The following PPM1H variants were observed in gnomAD, a reference collection of about 807,000 sequenced individuals.
PPM1H encodes protein phosphatase, Mg2+/Mn2+ dependent 1H.
A neutral mutation model predicts 54.9 loss-of-function variants in PPM1H; 27 were observed. That is an observed-to-expected ratio of 0.49 (90% CI 0.36 to 0.68). The LOEUF (loss-of-function observed/expected upper bound fraction) is 0.68, where lower values mean the gene tolerates loss of function less well. Among genes scored for constraint, PPM1H ranks in the 30% least tolerant of loss-of-function variants. The pLI, the probability that PPM1H is intolerant of heterozygous loss-of-function variation, is 0.00. For missense variants in PPM1H, 596 were observed against 667.8 expected (o/e 0.89, Z 1.19); for synonymous variants, 305 against 270.8 (o/e 1.13, Z -1.24).
At chr12:62,883,687 T>C (rs1695007) in intron 1 of PPM1H, among the ~76,000 whole-genome samples, 1,798 of 152,252 alleles carry the variant, frequency 0.012, 44 homozygotes, top group African/African-American at 0.04. Flanking sequence ...TGTGCACCAT[T>C]AACAGTCTCC....
At chr12:62,705,947 G>A (rs529077866) in intron 6 of PPM1H, among the ~76,000 whole-genome samples, 25 of 152,306 alleles carry the variant, frequency 1.6e-4, no homozygotes, top group African/African-American at 5.8e-4. Flanking sequence ...TGCTGCACAG[G>A]CAGTTCCTCT....
intron 3 of PPM1H, among the ~76,000 whole-genome samples, chr12:62,793,384 T>C (rs1478535143): frequency 6.6e-6 from 1 of 151,818 alleles, no homozygotes; most frequent in African/African-American, 2.4e-5. Flanking sequence ...TTTTAAGATG[T>C]GGGATTTTAT....
At chr12:62,787,226 G>A (rs529188957) in intron 4 of PPM1H, among the ~76,000 whole-genome samples, 1 of 152,148 alleles carries the variant, frequency 6.6e-6, no homozygotes, top group Non-Finnish European at 1.5e-5. Flanking sequence ...AGGGGAAAGG[G>A]AAGGGGTGGG....
chr12:62,695,220 G>T (rs926265890), intron 6 of PPM1H, among the ~76,000 whole-genome samples: 1 of 152,154 alleles, frequency 6.6e-6, no homozygotes, highest in Non-Finnish European at 1.5e-5. Context: ...ACATGGTAAG[G>T]TGTCCTTCCC....
chr12:62,652,951 G>A (rs749774210), intron 9 of PPM1H, among the ~76,000 whole-genome samples: 74 of 151,992 alleles, frequency 4.9e-4, no homozygotes, highest in Non-Finnish European at 2.6e-4. Context: ...CCTAGTCTTT[G>A]GATTAAGAAA....
intron 6 of PPM1H, among the ~76,000 whole-genome samples, chr12:62,709,390 G>A (rs574634256): frequency 2.3e-4 from 35 of 152,236 alleles, no homozygotes; most frequent in South Asian, 2.3e-3. Flanking sequence ...GGGCCTACTT[G>A]TCCATTTTGA....
At chr12:62,815,550 G>T (rs1310289044) in intron 2 of PPM1H, among the ~76,000 whole-genome samples, 1 of 152,074 alleles carries the variant, frequency 6.6e-6, no homozygotes, top group Non-Finnish European at 1.5e-5. Flanking sequence ...ATTAGTTTAT[G>T]GAAAAAACAT....
chr12:62,768,750 G>A lies in PPM1H; in HGVS notation c.869+19476C>T, dbSNP rs569376647. Among the ~76,000 whole-genome samples the A allele has an allele frequency of 3.3e-5, 5 of 152,192 alleles. No homozygotes were observed. In the South Asian group the frequency reaches 1.0e-3, roughly 32 times the overall value. ...AGGCAGGTAAGAAGCCAAGGGGAAG[G>A]GAGCAAATACAGATATGTAGGGGCA... is the stretch of plus-strand genomic sequence containing the variant. On this transcript the variant is annotated intron_variant, in intron 4 of 9. Coordinates refer to ENST00000228705, the MANE Select transcript of PPM1H (RefSeq NM_020700.2).
At chr12:62,683,729 G>C (rs1565755670) in intron 8 of PPM1H, among the ~76,000 whole-genome samples, 2 of 152,308 alleles carry the variant, frequency 1.3e-5, no homozygotes, top group South Asian at 4.1e-4. Context: ...TCCGCAAACT[G>C]GCCCCAAATA....
At chr12:62,712,157 T>C (rs528992241) in intron 6 of PPM1H, among the ~76,000 whole-genome samples, 9 of 152,278 alleles carry the variant, frequency 5.9e-5, no homozygotes, top group South Asian at 2.1e-4. Context: ...TCCAGCCCCG[T>C]TGGAATTTGG....
chr12:62,707,203 A>G (rs1375869193), intron 6 of PPM1H, among the ~76,000 whole-genome samples: 1 of 152,338 alleles, frequency 6.6e-6, no homozygotes, highest in East Asian at 1.9e-4. Context: ...TATTTATACT[A>G]TGTGTGAAGC....
chr12:62,787,921 T>G (rs1304722607), intron 4 of PPM1H, among the ~76,000 whole-genome samples: 1 of 152,178 alleles, frequency 6.6e-6, no homozygotes, highest in Non-Finnish European at 1.5e-5. Flanking sequence ...ATCCCTTTCC[T>G]TCCTCCTCAT....
Position 62,788,330 on chromosome 12 carries a change from C to G in PPM1H, c.765G>C (p.Gln255His). The G allele has an allele frequency of 1.3e-6, 2 of 1,554,692 alleles. No individual in the cohort carries two copies. The highest frequency in any genetic ancestry group is 1.8e-6 in the Non-Finnish European group (2 of 1,142,060). Residue 255 changes from glutamine (Q) to histidine (H), a missense_variant, in exon 4 of 10, where the codon CAG becomes CAC. Gln to His is a conservative substitution (Grantham distance 24). Coordinates refer to ENST00000228705, the MANE Select transcript of PPM1H (RefSeq NM_020700.2). Reference sequence around the variant, plus strand: ...TATATGAACTCCTCTCTCGTTCTATCTGTAGGTCCTGGAGAATAAAACAGA... The same window carrying G: ...TATATGAACTCCTCTCTCGTTCTATGTGTAGGTCCTGGAGAATAAAACAGA... ...LESAFKEMDL[Q>H]IERERSSYNI...
intron 5 of PPM1H, among the ~76,000 whole-genome samples, chr12:62,727,779 G>A (rs911478613): frequency 6.6e-6 from 1 of 151,660 alleles, no homozygotes; most frequent in African/African-American, 2.4e-5. Flanking sequence ...TCCCACCTCA[G>A]CCTCCTGAGT....
At chr12:62,855,809 T>C (rs778020441) in intron 1 of PPM1H, among the ~76,000 whole-genome samples, 2 of 152,186 alleles carry the variant, frequency 1.3e-5, no homozygotes, top group Admixed American at 6.5e-5. Context: ...TTTGAGCTTA[T>C]TGGGTACTGG....
chr12:62,741,012 C>T (rs796551877), intron 4 of PPM1H, among the ~76,000 whole-genome samples: 18 of 152,326 alleles, frequency 1.2e-4, no homozygotes, highest in African/African-American at 4.1e-4. Flanking sequence ...CAACTGCCAA[C>T]GGATATATCC....
At chr12:62,887,932 T>C (rs1418816454) in intron 1 of PPM1H, among the ~76,000 whole-genome samples, 1 of 152,100 alleles carries the variant, frequency 6.6e-6, no homozygotes, top group Non-Finnish European at 1.5e-5. Context: ...TGACTGGAGC[T>C]GGGTGGCAAT....
intron 5 of PPM1H, among the ~76,000 whole-genome samples, chr12:62,726,648 C>G (rs1424476143): frequency 6.6e-6 from 1 of 152,116 alleles, no homozygotes; most frequent in East Asian, 1.9e-4. Context: ...TCCCATCAGG[C>G]CAGCGCAGAG....
At chr12:62,683,877 G>A (rs1428458590) in intron 8 of PPM1H, among the ~76,000 whole-genome samples, 1 of 152,192 alleles carries the variant, frequency 6.6e-6, no homozygotes, top group Non-Finnish European at 1.5e-5. Context: ...AAGAAGGGGT[G>A]TGGCACAGAG....
Sources: allele counts gnomAD v4.1 joint callset (sites outside exome capture counted in the v4.1 genomes callset), GRCh38; gene constraint gnomAD v4.1.1; transcripts MANE v1.5; gene names NCBI Gene and HGNC (gene_info 2026-07-23, HGNC 2026-07-21).